VAV2: variants seen among roughly 807,000 people sequenced by gnomAD.
The protein encoded by VAV2 is guanine nucleotide exchange factor VAV2.
A neutral mutation model predicts 132.5 loss-of-function variants in VAV2; 67 were observed. The ratio of observed to expected loss-of-function variants is 0.51; its 90% CI spans 0.42 to 0.62. The LOEUF (loss-of-function observed/expected upper bound fraction) is 0.62, where lower values mean the gene tolerates loss of function less well. VAV2 is among the 20% of genes least tolerant of loss of function. The pLI is 0.00. For missense variants in VAV2, 938 were observed against 1,153.6 expected (o/e 0.81, Z 2.71); for synonymous variants, 492 against 443.5 (o/e 1.11, Z -1.37).
Position 133,939,184 on chromosome 9 carries a change from T to G in VAV2, c.240A>C (p.Lys80Asn), listed in dbSNP as rs1344676875. ...LCLKNIRTFLKVCHDKFGLRN... is the reference protein window; with the variant it reads ...LCLKNIRTFLNVCHDKFGLRN... The stretch of plus-strand genomic sequence containing the variant: ...TTAATCCAAATTTATCGTGGCAGAC[T>G]TTCAGGAAGGTGCGTATGTTCTTCA... The change falls in exon 2 of 30, where the codon AAA becomes AAC. Residue 80 changes from lysine (K) to asparagine (N), a missense_variant. By Grantham distance (94) the Lys-to-Asn change is moderately conservative. Transcript: ENST00000371850. 23 of 1,614,094 alleles carry G rather than the reference T, an allele frequency of 1.4e-5. No homozygotes were observed. Among genetic ancestry groups the G allele is most frequent in the Non-Finnish European group, 1.7e-5 (20 of 1,180,052 alleles).
intron 19 of VAV2, among the ~76,000 whole-genome samples, chr9:133,783,270 G>C (rs1834074868): frequency 1.3e-5 from 2 of 152,144 alleles, no homozygotes; most frequent in Admixed American, 1.3e-4. Flanking sequence ...GGGTCCTCAA[G>C]TACCCATTAG....
chr9:133,896,161 T>C (rs566468175), intron 2 of VAV2, among the ~76,000 whole-genome samples: 1 of 152,298 alleles, frequency 6.6e-6, no homozygotes, highest in East Asian at 1.9e-4. Flanking sequence ...AAAATCTTTA[T>C]TAACGTTAGT....
At chr9:133,767,861 G>A (rs977230912) in intron 29 of VAV2, among the ~76,000 whole-genome samples, 1 of 152,194 alleles carries the variant, frequency 6.6e-6, no homozygotes, top group Admixed American at 6.5e-5. Context: ...AGAGACATGG[G>A]TCAAAGCTAG....
rs1842260703 is a variant in VAV2, at chr9:133,969,629, A to G, written c.204+22446T>C. On this transcript the variant is annotated intron_variant, in intron 1 of 29. Transcript: ENST00000371850. This position sits in a 1 kb window ranked among gnomAD's most constrained non-coding sequence, Gnocchi z 5.1. ...GTGGGGGACTTGAACCCCTAGGGCC[A>G]ACTCCAGATGAGCCCCACTGTCCAT... 6.6e-6 allele frequency among the ~76,000 whole-genome samples: 1 copy of G among 152,112 alleles called. No homozygotes were observed. Among genetic ancestry groups the G allele is most frequent in the East Asian group, 1.9e-4 (1 of 5,190 alleles).
At position 133,769,628 on chromosome 9, in the gene VAV2, G is replaced by A; in HGVS notation, c.2348-125C>T. 1 of 1,018,868 alleles carries A rather than the reference G, an allele frequency of 9.8e-7. No individual in the cohort carries two copies. The highest frequency in any genetic ancestry group is 1.4e-6 in the Non-Finnish European group (1 of 698,418). 63.1% of individuals were successfully genotyped at this position (1,018,868 alleles called of 1,614,324 possible). A position where few individuals can be genotyped will look rare whatever the true frequency, so the allele number is the denominator to read the frequency against. On this transcript the variant is annotated intron_variant, in intron 27 of 29. Coordinates refer to ENST00000371850, the MANE Select transcript of VAV2 (RefSeq NM_001134398.2). This position sits in a 1 kb window ranked among gnomAD's most constrained non-coding sequence, Gnocchi z 8.1. ...CCCTTTGGCAGGAGAGGCCCTACAGGGGGGCAAAGGAGGCAGGGGGCAGCA... is the reference window on the plus strand; with the variant it reads ...CCCTTTGGCAGGAGAGGCCCTACAGAGGGGCAAAGGAGGCAGGGGGCAGCA...
At chr9:133,848,279 C>CAAA (rs34908811) in intron 3 of VAV2, among the ~76,000 whole-genome samples, 29 of 48,560 alleles carry the variant, frequency 6.0e-4, no homozygotes, top group Non-Finnish European at 8.4e-4. Context: ...GACTCCGTCT[C>CAAA]AAAAAAAAAA....
At chr9:133,791,012 G>C (rs1418059201) in intron 13 of VAV2, among the ~76,000 whole-genome samples, 1 of 152,158 alleles carries the variant, frequency 6.6e-6, no homozygotes, top group Non-Finnish European at 1.5e-5. Context: ...TGTCTGGTGG[G>C]TGGCAGGCAG....
chr9:133,960,114 T>C (rs1446075036), intron 1 of VAV2, among the ~76,000 whole-genome samples: 1 of 152,146 alleles, frequency 6.6e-6, no homozygotes, highest in African/African-American at 2.4e-5. Flanking sequence ...GGGCTACCGC[T>C]CATTGTTCCA....
chr9:133,788,343 G>A lies in VAV2; in HGVS notation c.1407+11C>T. 6.3e-7 allele frequency: 1 copy of A among 1,598,420 alleles called. No homozygotes were observed. Among genetic ancestry groups the A allele is most frequent in the Non-Finnish European group, 8.6e-7 (1 of 1,166,924 alleles). ...GTTCCTGGGTAGCAGGGGGGACCCGGAAGGCCCCACCTTCTTGACGTCCTT... is the reference window on the plus strand; with the variant it reads ...GTTCCTGGGTAGCAGGGGGGACCCGAAAGGCCCCACCTTCTTGACGTCCTT... On this transcript the variant is annotated intron_variant, in intron 15 of 29. Transcript: ENST00000371850. This position sits in a 1 kb window ranked among gnomAD's most constrained non-coding sequence, Gnocchi z 5.3.
At chr9:133,914,521 G>A (rs1478186824) in intron 2 of VAV2, among the ~76,000 whole-genome samples, 1 of 146,636 alleles carries the variant, frequency 6.8e-6, no homozygotes, top group African/African-American at 2.5e-5. Flanking sequence ...CGCGCAGCGT[G>A]TGACTCTGGT....
chr9:133,804,123 C>T lies in VAV2; in HGVS notation c.836+1958G>A, dbSNP rs986641806. ...CTCAGTCCAGAGCTCAGGAGCCATA[C>T]AGAGCAGGCACCCTATAAAAGCTTC... On this transcript the variant is annotated intron_variant, in intron 9 of 29. Transcript: ENST00000371850. The surrounding 1 kb of genome is among the most constrained non-coding windows in gnomAD (Gnocchi z 4.5). Among the ~76,000 whole-genome samples, 2 of 152,180 alleles carry T rather than the reference C, an allele frequency of 1.3e-5. No individual in the cohort carries two copies. Among genetic ancestry groups the T allele is most frequent in the African/African-American group, 4.8e-5 (2 of 41,444 alleles).
At chr9:133,829,825 T>C (rs574548057) in intron 4 of VAV2, among the ~76,000 whole-genome samples, 40 of 152,226 alleles carry the variant, frequency 2.6e-4, no homozygotes, top group Non-Finnish European at 5.3e-4. Context: ...ATTTCGTTTG[T>C]CCCTTCTTAT....
intron 1 of VAV2, among the ~76,000 whole-genome samples, chr9:133,963,837 T>G (rs1842040030): frequency 6.6e-6 from 1 of 151,678 alleles, no homozygotes; most frequent in South Asian, 2.1e-4. Context: ...CATCTTGGAA[T>G]CAATGAAATA....
At chr9:133,898,805 G>A (rs2486360) in intron 2 of VAV2, among the ~76,000 whole-genome samples, 130,316 of 142,922 alleles carry the variant, frequency 0.91, 60,482 homozygotes, top group East Asian at 1. Flanking sequence ...CAGGGAGGAT[G>A]CAGACCCTGC....
intron 2 of VAV2, among the ~76,000 whole-genome samples, chr9:133,905,989 A>C (rs1240891032): frequency 6.6e-6 from 1 of 152,180 alleles, no homozygotes; most frequent in Admixed American, 6.5e-5. Context: ...GTAGTGAGCC[A>C]TGATCGCGCC....
chr9:133,796,445 T>C lies in VAV2; in HGVS notation c.1016A>G (p.Tyr339Cys). The change falls in exon 11 of 30, where the codon TAC (tyrosine) becomes TGC (cysteine). Residue 339 changes from tyrosine to cysteine, a missense_variant. Transcript: ENST00000371850. Reference protein sequence around the residue: ...LVVPMQRVLKYHLLLKELLSH... With the variant: ...LVVPMQRVLKCHLLLKELLSH... The stretch of plus-strand genomic sequence containing the variant: ...GAGCCTCACCTTCAAGAGCAGGTGG[T>C]ATTTGAGCACCCTCTGCATGGGGAC... 6.2e-7 allele frequency: 1 copy of C among 1,613,526 alleles called. No individual in the cohort carries two copies. The highest frequency in any genetic ancestry group is 8.5e-7 in the Non-Finnish European group (1 of 1,179,860).
chr9:133,778,657 TCTCTGC>T, intron 22 of VAV2, 99 bp downstream of exon 22: 2 of 1,478,358 alleles, frequency 1.4e-6, no homozygotes, highest in South Asian at 1.4e-5. Context: ...GTCTCTCACC[TCTCTGC>T]CTCTGCCTGG....
chr9:133,797,837 G>A (rs774994741), intron 9 of VAV2, 28 bp from the exon 10 acceptor site: 37 of 1,603,356 alleles, frequency 2.3e-5, no homozygotes, highest in Middle Eastern at 1.7e-4. Context: ...ACGCACACAC[G>A]CACACAGATT....
intron 3 of VAV2, among the ~76,000 whole-genome samples, chr9:133,845,161 G>A (rs927727729): frequency 2.6e-5 from 4 of 152,236 alleles, no homozygotes; most frequent in Non-Finnish European, 4.4e-5. Context: ...TTGGGTGGGC[G>A]GACATGGGCC....
Sources: allele counts gnomAD v4.1 joint callset (sites outside exome capture counted in the v4.1 genomes callset), GRCh38; gene constraint gnomAD v4.1.1; non-coding constraint Gnocchi (gnomAD v3.1); transcripts MANE v1.5; gene names NCBI Gene and HGNC (gene_info 2026-07-23, HGNC 2026-07-21).